The following DGKD variants were observed in gnomAD, a reference collection of about 807,000 sequenced individuals.
DGKD encodes the protein DAG kinase delta.
In DGKD, 68 loss-of-function variants were observed where a neutral mutation model predicts 154.4. The ratio of observed to expected loss-of-function variants is 0.44; its 90% CI spans 0.36 to 0.54. DGKD has a LOEUF of 0.54. DGKD is among the 20% of genes least tolerant of loss of function. DGKD has a pLI of 0.00. For synonymous variants in DGKD, 693 were observed against 638.0 expected, an observed-to-expected ratio of 1.09 and a Z score of -1.30; for missense variants, 1,343 against 1,593.6, an observed-to-expected ratio of 0.84 and a Z score of 2.68.
At chr2:233,427,522 G>T (rs1237554399) in intron 3 of DGKD, among the ~76,000 whole-genome samples, 1 of 151,820 alleles carries the variant, frequency 6.6e-6, no homozygotes, top group African/African-American at 2.4e-5. Context: ...TGTATTTTTA[G>T]TTAGAGATGG....
At chr2:233,461,200 G>GCC (rs1559179844) in intron 24 of DGKD, among the ~76,000 whole-genome samples, 1 of 152,200 alleles carries the variant, frequency 6.6e-6, no homozygotes, top group African/African-American at 2.4e-5. Context: ...GTGCTGCTCC[G>GCC]CCGGTGCGGG....
chr2:233,449,189 C>A lies in DGKD; in HGVS notation c.1701C>A (p.Pro567=), dbSNP rs1252772795. Residue 567 remains proline (P), a synonymous_variant, in exon 15 of 30, where the codon CCC becomes CCA. Coordinates refer to ENST00000264057, the MANE Select transcript of DGKD (RefSeq NM_152879.3). This position sits in a 1 kb window ranked among gnomAD's most constrained non-coding sequence, Gnocchi z 5.3. ...SQASSSLPNP[P]PTIAEEAEDG... ...CCTCGTCCTCTCTGCCCAACCCGCC[C>A]CCCACCATTGCCGAGGAGGCTGAAG... 6.2e-7 allele frequency: 1 copy of A among 1,613,846 alleles called. No homozygotes were observed. Among genetic ancestry groups the A allele is most frequent in the Non-Finnish European group, 8.5e-7 (1 of 1,179,966 alleles).
chr2:233,433,092 A>G (rs747552375), intron 3 of DGKD, among the ~76,000 whole-genome samples: 1 of 152,256 alleles, frequency 6.6e-6, no homozygotes, highest in Non-Finnish European at 1.5e-5. Flanking sequence ...ACTGCTAGGT[A>G]TATACCAAAG....
At chr2:233,405,390 T>C (rs1433316823) in intron 3 of DGKD, among the ~76,000 whole-genome samples, 1 of 152,066 alleles carries the variant, frequency 6.6e-6, no homozygotes, top group East Asian at 1.9e-4. Context: ...TGTTGGCACA[T>C]GCCTGTAATC....
chr2:233,378,748 T>G (rs1460063113), intron 1 of DGKD, among the ~76,000 whole-genome samples: 1 of 152,240 alleles, frequency 6.6e-6, no homozygotes, highest in East Asian at 1.9e-4. Flanking sequence ...CTTTAAAGAT[T>G]AGGGATATTA....
At chr2:233,437,754 G>A (rs987806495) in intron 8 of DGKD, among the ~76,000 whole-genome samples, 2 of 152,044 alleles carry the variant, frequency 1.3e-5, no homozygotes, top group African/African-American at 2.4e-5. Context: ...CCTGAGACCC[G>A]AGCCTGGCAC....
At chr2:233,427,461 C>T (rs2062349522) in intron 3 of DGKD, among the ~76,000 whole-genome samples, 1 of 151,752 alleles carries the variant, frequency 6.6e-6, no homozygotes, top group Non-Finnish European at 1.5e-5. Flanking sequence ...CCAACTCAGC[C>T]TCCCAAGTAG....
chr2:233,383,044 CTT>C (rs1295590779), intron 1 of DGKD, among the ~76,000 whole-genome samples: 13 of 141,498 alleles, frequency 9.2e-5, no homozygotes, highest in Admixed American at 7.1e-5. Context: ...TTCTTTCTTT[CTT>C]TTTTTTTTTT....
chr2:233,361,088 A>T (rs1410218179), intron 1 of DGKD, among the ~76,000 whole-genome samples: 1 of 151,586 alleles, frequency 6.6e-6, no homozygotes, highest in Non-Finnish European at 1.5e-5. Flanking sequence ...TGAACAAAAC[A>T]TGGGAGCCAA....
Position 233,378,666 on chromosome 2 carries a change from C to T in DGKD, c.157-9591C>T, listed in dbSNP as rs115928099. On this transcript the variant is annotated intron_variant, in intron 1 of 29. Transcript: ENST00000264057. Reference sequence around the variant, plus strand: ...GTTTAAGCGCCTTTTGCATTTTTTTCTGTCAAATGTTTTCATATTTTTTGC... The same window carrying T: ...GTTTAAGCGCCTTTTGCATTTTTTTTTGTCAAATGTTTTCATATTTTTTGC... 1.5e-3 allele frequency among the ~76,000 whole-genome samples: 234 copies of T among 152,268 alleles called. 1 individual carries two copies. Among genetic ancestry groups the T allele is most frequent in the African/African-American group, 5.3e-3 (222 of 41,558 alleles).
At chr2:233,372,902 A>G (rs1702391643) in intron 1 of DGKD, among the ~76,000 whole-genome samples, 1 of 152,186 alleles carries the variant, frequency 6.6e-6, no homozygotes, top group Non-Finnish European at 1.5e-5. Flanking sequence ...CTCATGAACA[A>G]CATGTTTATT....
chr2:233,385,963 C>T (rs1159062676), intron 1 of DGKD: 1 of 470,936 alleles, frequency 2.1e-6, no homozygotes, highest in Non-Finnish European at 4.4e-6. Context: ...ATCGCAGACT[C>T]TCATCCGCCC....
intron 18 of DGKD, chr2:233,454,375 G>C (rs1052521267): frequency 6.4e-6 from 3 of 472,374 alleles, no homozygotes; most frequent in Non-Finnish European, 1.3e-5. Flanking sequence ...GCCAGACACA[G>C]AGCCCACGAC....
chr2:233,434,924 C>A (rs1449551756), intron 5 of DGKD, 23 bp downstream of exon 5: 2 of 1,596,936 alleles, frequency 1.3e-6, no homozygotes, highest in Non-Finnish European at 1.7e-6. Context: ...GTTTGTTATT[C>A]TGTCAGGAAA....
In DGKD at chr2:233,449,895, G is replaced by C; in HGVS notation, c.1889-87G>C. Reference sequence around the variant, plus strand: ...TTGTTTGAGGAAGATCAGGCCGTGGGGTGAGGATGAGGGGCCCTCCACCCA... The same window carrying C: ...TTGTTTGAGGAAGATCAGGCCGTGGCGTGAGGATGAGGGGCCCTCCACCCA... On this transcript the variant is annotated intron_variant, in intron 15 of 29. Transcript: ENST00000264057. The surrounding 1 kb of genome is among the most constrained non-coding windows in gnomAD (Gnocchi z 5.3). The C allele has an allele frequency of 6.9e-7, 1 of 1,456,294 alleles. No homozygotes were observed. The highest frequency in any genetic ancestry group is 1.4e-5 in the African/African-American group (1 of 70,542). 90.2% of individuals were successfully genotyped at this position (1,456,294 alleles called of 1,614,324 possible). A position where few individuals can be genotyped will look rare whatever the true frequency, so the allele number is the denominator to read the frequency against.
intron 3 of DGKD, among the ~76,000 whole-genome samples, chr2:233,398,086 C>G (rs1443398657): frequency 1.9e-5 from 2 of 104,516 alleles, no homozygotes; most frequent in African/African-American, 7.6e-5. Flanking sequence ...GCTCCCACCC[C>G]CCACCCCCGA....
At chr2:233,396,995 T>A (rs1169212092) in intron 3 of DGKD, among the ~76,000 whole-genome samples, 11 of 43,292 alleles carry the variant, frequency 2.5e-4, no homozygotes, top group South Asian at 1.0e-3. Flanking sequence ...GCGAGAGGAC[T>A]CCAGAGGGGA....
At chr2:233,414,830 T>A (rs2061920243) in intron 3 of DGKD, among the ~76,000 whole-genome samples, 1 of 152,192 alleles carries the variant, frequency 6.6e-6, no homozygotes, top group African/African-American at 2.4e-5. Context: ...GGCTGGGGAA[T>A]GAGGCCATCT....
chr2:233,444,236 C>T (rs547369646), intron 10 of DGKD, among the ~76,000 whole-genome samples: 3 of 152,218 alleles, frequency 2.0e-5, no homozygotes, highest in South Asian at 2.1e-4. Context: ...GCCAGGAAAT[C>T]GGACAGTTGT....
Sources: gnomAD v4.1 joint callset for allele counts (sites outside exome capture counted in the v4.1 genomes callset) on GRCh38, gnomAD v4.1.1 for gene constraint, Gnocchi (gnomAD v3.1) non-coding constraint, MANE v1.5 for transcripts, NCBI Gene and HGNC (gene_info 2026-07-23, HGNC 2026-07-21) for gene names.